The following WNT7A variants were observed in gnomAD, a reference collection of about 807,000 sequenced individuals.
WNT7A encodes the protein protein Wnt-7a.
WNT7A carries 16 observed loss-of-function variants against 28.2 expected under a neutral mutation model. That is an observed-to-expected ratio of 0.57 (90% CI 0.38 to 0.86). The LOEUF (loss-of-function observed/expected upper bound fraction) is 0.86, where lower values mean the gene tolerates loss of function less well. WNT7A is among the 40% of genes least tolerant of loss of function. WNT7A has a pLI of 0.00. For synonymous variants in WNT7A, 190 were observed against 195.9 expected, an observed-to-expected ratio of 0.97 and a Z score of 0.25; for missense variants, 411 against 489.7, an observed-to-expected ratio of 0.84 and a Z score of 1.52.
intron 3 of WNT7A, among the ~76,000 whole-genome samples, chr3:13,831,458 G>A (rs759271169): frequency 3.9e-5 from 6 of 152,182 alleles, no homozygotes; most frequent in South Asian, 2.1e-4. Context: ...TAATGTGGCC[G>A]AACAGAAGGA....
chr3:13,842,686 G>A (rs1180815367), intron 3 of WNT7A, among the ~76,000 whole-genome samples: 1 of 152,218 alleles, frequency 6.6e-6, no homozygotes, highest in Non-Finnish European at 1.5e-5. Context: ...CTGGAAGGAT[G>A]CAGATGCTAT....
At chr3:13,856,975 A>AGAAGGAGAAGGAGAAGG (rs1559303410) in intron 2 of WNT7A, among the ~76,000 whole-genome samples, 97 of 96,992 alleles carry the variant, frequency 1.0e-3, no homozygotes, top group Non-Finnish European at 1.7e-3. Flanking sequence ...GAAGGAGAAG[A>AGAAGGAGAAGGAGAAGG]AGAAGAAGAA....
At position 13,854,640 on chromosome 3, in the gene WNT7A, G is replaced by C. The variant is rs1343077787; in HGVS notation, c.462C>G (p.Ala154=). ...CGAAGCCGATGCCGTAGCGGATGTC[G>C]GCAGAGCAGCCACCCCACTTCCAGC... ...DEGWKWGGCS[A]DIRYGIGFAK... Residue 154 remains alanine, a synonymous_variant, in exon 3 of 4, where the codon GCC becomes GCG. Transcript: ENST00000285018. 4.3e-6 allele frequency: 7 copies of C among 1,614,168 alleles called. No homozygotes were observed. The highest frequency in any genetic ancestry group is 5.9e-6 in the Non-Finnish European group (7 of 1,180,046).
chr3:13,836,158 G>C (rs1694363971), intron 3 of WNT7A, among the ~76,000 whole-genome samples: 1 of 149,856 alleles, frequency 6.7e-6, no homozygotes, highest in Admixed American at 6.7e-5. Context: ...TAAGAGGATG[G>C]ATTGTATGGC....
chr3:13,862,679 G>A lies in WNT7A; in HGVS notation c.299-7876C>T, dbSNP rs566410380. Among the ~76,000 whole-genome samples, 11 of 152,308 alleles carry A rather than the reference G, an allele frequency of 7.2e-5. No homozygotes were observed. In the South Asian group the frequency reaches 1.0e-3, roughly 14 times the overall value. On this transcript the variant is annotated intron_variant, in intron 2 of 3. Coordinates refer to ENST00000285018, the MANE Select transcript of WNT7A (RefSeq NM_004625.4). Reference sequence around the variant, plus strand: ...GGGGTGCAGGGAGCTGTGTCTGGGCGGAGCTTGGTAAGGTAACAGGCCCAC... The same window carrying A: ...GGGGTGCAGGGAGCTGTGTCTGGGCAGAGCTTGGTAAGGTAACAGGCCCAC...
At chr3:13,853,437 C>T (rs1015043119) in intron 3 of WNT7A, among the ~76,000 whole-genome samples, 7 of 152,198 alleles carry the variant, frequency 4.6e-5, no homozygotes, top group Non-Finnish European at 7.3e-5. Context: ...CTTTTCAGGG[C>T]CTCACAGACT....
intron 2 of WNT7A, among the ~76,000 whole-genome samples, chr3:13,858,670 A>C (rs539190394): frequency 6.6e-6 from 1 of 152,236 alleles, no homozygotes; most frequent in African/African-American, 2.4e-5. Flanking sequence ...GGGCTTCCTC[A>C]GCACCCACTG....
intron 3 of WNT7A, among the ~76,000 whole-genome samples, chr3:13,832,224 A>C (rs1165218700): frequency 2.7e-5 from 3 of 112,634 alleles, no homozygotes; most frequent in Admixed American, 1.0e-4. Flanking sequence ...CTTGCTCTTC[A>C]TGCTCCTCCT....
rs140175952 is a variant in WNT7A at position 13,870,098 on chromosome 3, G to A, written c.298+4849C>T. On this transcript the variant is annotated intron_variant, in intron 2 of 3. Transcript: ENST00000285018. ...CCTGAGGTCTCACTTCTGAGAGCCC[G>A]CCACACTCCCTCTGCCTTCTCCCTA... Among the ~76,000 whole-genome samples, 19 of 152,236 alleles carry A rather than the reference G, an allele frequency of 1.2e-4. No individual in the cohort carries two copies. In the East Asian group the frequency reaches 1.7e-3, roughly 14 times the overall value.
At chr3:13,823,928 C>T (rs565743969) in intron 3 of WNT7A, among the ~76,000 whole-genome samples, 2 of 152,164 alleles carry the variant, frequency 1.3e-5, no homozygotes, top group African/African-American at 4.8e-5. Context: ...GGGAAGTCCT[C>T]TCTATACAGC....
intron 1 of WNT7A, among the ~76,000 whole-genome samples, chr3:13,878,420 GA>G (rs971558016): frequency 9.2e-5 from 14 of 152,088 alleles, no homozygotes; most frequent in African/African-American, 3.1e-4. Flanking sequence ...TAAAGCAGGG[GA>G]AAAAAAGGAA....
intron 2 of WNT7A, among the ~76,000 whole-genome samples, chr3:13,855,327 A>T (rs1490452288): frequency 6.6e-6 from 1 of 151,718 alleles, no homozygotes; most frequent in Non-Finnish European, 1.5e-5. Flanking sequence ...TCTGGCTGTA[A>T]AATGGGGACA....
chr3:13,855,165 TAA>T, intron 2 of WNT7A, among the ~76,000 whole-genome samples: 5 of 152,302 alleles, frequency 3.3e-5, no homozygotes, highest in African/African-American at 1.2e-4. Flanking sequence ...CACACGTGCA[TAA>T]AGCTCACAGC....
chr3:13,837,783 C>A (rs1385333263), intron 3 of WNT7A, among the ~76,000 whole-genome samples: 4 of 152,192 alleles, frequency 2.6e-5, no homozygotes, highest in Non-Finnish European at 5.9e-5. Context: ...CCACCTCCAT[C>A]TGAGCTGCCT....
At chr3:13,821,020 C>T (rs968767170) in intron 3 of WNT7A, among the ~76,000 whole-genome samples, 2 of 152,196 alleles carry the variant, frequency 1.3e-5, no homozygotes, top group Non-Finnish European at 2.9e-5. Context: ...ATGCAGGCTG[C>T]GTCCCACAAA....
At chr3:13,853,213 G>A (rs558837167) in intron 3 of WNT7A, among the ~76,000 whole-genome samples, 1 of 152,296 alleles carries the variant, frequency 6.6e-6, no homozygotes, top group East Asian at 1.9e-4. Context: ...GACAGCCCAG[G>A]CCTCTGTCCT....
chr3:13,861,340 C>G (rs1694828535), intron 2 of WNT7A, among the ~76,000 whole-genome samples: 1 of 152,242 alleles, frequency 6.6e-6, no homozygotes, highest in South Asian at 2.1e-4. Flanking sequence ...CTGCCTTCCC[C>G]TCCACCTCCC....
chr3:13,871,730 G>A (rs770440745), intron 2 of WNT7A, among the ~76,000 whole-genome samples: 10 of 152,016 alleles, frequency 6.6e-5, no homozygotes, highest in African/African-American at 9.7e-5. Context: ...TGGAAGACTC[G>A]ACCAGACTCC....
chr3:13,863,478 CGCCT>C (rs1295969852), intron 2 of WNT7A, among the ~76,000 whole-genome samples: 14 of 152,120 alleles, frequency 9.2e-5, no homozygotes, highest in Admixed American at 2.6e-4. Flanking sequence ...TGCGCACGCA[CGCCT>C]GCCTGCCTGC....
Sources: allele counts gnomAD v4.1 joint callset (sites outside exome capture counted in the v4.1 genomes callset), GRCh38; gene constraint gnomAD v4.1.1; transcripts MANE v1.5; gene names NCBI Gene and HGNC (gene_info 2026-07-23, HGNC 2026-07-21).